Variants in NPEPL1 observed in about 807,000 individuals in gnomAD.
NPEPL1 encodes probable aminopeptidase NPEPL1.
Under a neutral mutation model 52.4 loss-of-function variants are expected in NPEPL1, and 45 were observed. That is an observed-to-expected ratio of 0.86 (90% CI 0.68 to 1.10). The LOEUF (loss-of-function observed/expected upper bound fraction) is 1.10, where lower values mean the gene tolerates loss of function less well. NPEPL1 is among the 50% of genes least tolerant of loss of function. The pLI is 0.00. For synonymous variants in NPEPL1, 360 were observed against 314.7 expected, an observed-to-expected ratio of 1.14 and a Z score of -1.52; for missense variants, 696 against 710.9, an observed-to-expected ratio of 0.98 and a Z score of 0.24.
rs1164201254 is a variant in NPEPL1, at chr20:58,692,853, G to GCGGGC, written c.-32_-28dup. On this transcript the variant is annotated 5_prime_UTR_variant, in exon 1 of 12. Coordinates refer to ENST00000356091, the MANE Select transcript of NPEPL1 (RefSeq NM_024663.4). The surrounding 1 kb of genome is among the most constrained non-coding windows in gnomAD (Gnocchi z 5.7). ...GGAGCGGGGCGAAGGGGGCCGAGCG[G>GCGGGC]CGGGCCGGGCCGGGCCGGGCAGGGC... 412 of 987,804 alleles carry GCGGGC rather than the reference G, an allele frequency of 4.2e-4. No homozygotes were observed. The highest frequency in any genetic ancestry group is 1.7e-3 in the African/African-American group (99 of 56,724). The allele number at this position is 987,804 out of a possible 1,614,324, so 61.2% of individuals were successfully genotyped here.
At position 58,713,858 on chromosome 20, in the gene NPEPL1, C is replaced by T. The variant is rs2084904023; in HGVS notation, c.1126-59C>T. ...GTCTGCCTCCCGGTCCCTCTTTTGCCTTGGGTGTTTCTCTCCTGCCGTCCC... is the reference window on the plus strand; with the variant it reads ...GTCTGCCTCCCGGTCCCTCTTTTGCTTTGGGTGTTTCTCTCCTGCCGTCCC... On this transcript the variant is annotated intron_variant, in intron 9 of 11. Coordinates refer to ENST00000356091, the MANE Select transcript of NPEPL1 (RefSeq NM_024663.4). This position sits in a 1 kb window ranked among gnomAD's most constrained non-coding sequence, Gnocchi z 4.6. 1.4e-6 allele frequency: 2 copies of T among 1,404,704 alleles called. No individual in the cohort carries two copies. The highest frequency in any genetic ancestry group is 1.7e-5 in the South Asian group (1 of 60,150). 87.0% of individuals were successfully genotyped at this position (1,404,704 alleles called of 1,614,324 possible). A position where few individuals can be genotyped will look rare whatever the true frequency, so the allele number is the denominator to read the frequency against.
intron 1 of NPEPL1, 50 bp from the exon 2 acceptor site, chr20:58,693,687 C>A: frequency 6.6e-7 from 1 of 1,525,456 alleles, no homozygotes; most frequent in Non-Finnish European, 8.9e-7. Flanking sequence ...CCTCCTGGCA[C>A]GTGGCCGCTG....
chr20:58,701,475 C>T lies in NPEPL1; in HGVS notation c.822+317C>T, dbSNP rs921016506. Among the ~76,000 whole-genome samples the T allele has an allele frequency of 6.7e-5, 9 of 135,046 alleles. No homozygotes were observed. The East Asian group carries it at 1.1e-3, about 16-fold the overall frequency. The allele number at this position is 135,046 out of a possible 152,430, so 88.6% of individuals were successfully genotyped here. ...TGGGGGTTCTGGGTTGGGGTGGGTTCGGGGAGAGTGCGCAGGGCGGGTTCC... is the reference window on the plus strand; with the variant it reads ...TGGGGGTTCTGGGTTGGGGTGGGTTTGGGGAGAGTGCGCAGGGCGGGTTCC... On this transcript the variant is annotated intron_variant, in intron 6 of 11. Coordinates refer to ENST00000356091, the MANE Select transcript of NPEPL1 (RefSeq NM_024663.4).
rs141349429 is a variant in NPEPL1 at position 58,715,352 on chromosome 20, G to T, written c.*26G>T. 1.9e-6 allele frequency: 3 copies of T among 1,579,552 alleles called. No individual in the cohort carries two copies. The highest frequency in any genetic ancestry group is 1.1e-5 in the South Asian group (1 of 86,974). On this transcript the variant is annotated 3_prime_UTR_variant, in exon 12 of 12. Coordinates refer to ENST00000356091, the MANE Select transcript of NPEPL1 (RefSeq NM_024663.4). ...GCCTCCTGCCTCGGCCCTGACAAAC[G>T]GGGATCTTTTACCTCACTTTGCACT...
intron 6 of NPEPL1, among the ~76,000 whole-genome samples, chr20:58,706,738 T>C (rs1427972676): frequency 6.6e-6 from 1 of 152,090 alleles, no homozygotes; most frequent in East Asian, 1.9e-4. Flanking sequence ...AGCCCGGGAC[T>C]GAGGTCAGGG....
intron 5 of NPEPL1, among the ~76,000 whole-genome samples, chr20:58,699,805 C>T (rs1011897223): frequency 6.6e-6 from 1 of 152,246 alleles, no homozygotes; most frequent in African/African-American, 2.4e-5. Context: ...GACTCAGCTG[C>T]CCCGTGGTGC....
chr20:58,691,105 C>A (rs1568843473), upstream of NPEPL1: 1 of 703,116 alleles, frequency 1.4e-6, no homozygotes, highest in Non-Finnish European at 2.6e-6. Context: ...TCTGTCAGGG[C>A]ATGGCCTTAG....
At chr20:58,691,709 T>TTTTTTTTTTTTTA, upstream of NPEPL1, 1 of 710,820 alleles carries the variant, frequency 1.4e-6, no homozygotes. Flanking sequence ...TTTTTTTTTT[T>TTTTTTTTTTTTTA]TTTTTCATTT....
intron 8 of NPEPL1, chr20:58,712,980 G>C: frequency 2.4e-5 from 9 of 372,740 alleles, no homozygotes; most frequent in South Asian, 2.0e-4. Flanking sequence ...TGGCAGCTGA[G>C]GAGCAAGTGG....
At chr20:58,706,211 G>A (rs1372022460) in intron 6 of NPEPL1, among the ~76,000 whole-genome samples, 4 of 152,152 alleles carry the variant, frequency 2.6e-5, no homozygotes, top group Admixed American at 2.6e-4. Context: ...TAACCAGGAG[G>A]TGTGAACTAT....
intron 6 of NPEPL1, among the ~76,000 whole-genome samples, chr20:58,701,388 G>A (rs1485032507): frequency 7.3e-4 from 92 of 126,608 alleles, no homozygotes; most frequent in Non-Finnish European, 1.4e-3. Flanking sequence ...GGGGGGAGGG[G>A]CCCAGTTTGG....
At chr20:58,696,220 T>A (rs1219655314) in intron 3 of NPEPL1, among the ~76,000 whole-genome samples, 1 of 152,228 alleles carries the variant, frequency 6.6e-6, no homozygotes, top group Non-Finnish European at 1.5e-5. Flanking sequence ...TCCCTTAGAC[T>A]GGCCACGCCC....
Position 58,715,610 on chromosome 20 carries a change from C to A in NPEPL1, c.*284C>A. 3.5e-6 allele frequency: 1 copy of A among 281,978 alleles called. No homozygotes were observed. The highest frequency in any genetic ancestry group is 6.6e-6 in the Non-Finnish European group (1 of 150,950). 17.5% of individuals were successfully genotyped at this position (281,978 alleles called of 1,614,324 possible). On this transcript the variant is annotated 3_prime_UTR_variant, in exon 12 of 12. Transcript: ENST00000356091. ...GGGCCTTCTGCACCCCGGGGTGAGG[C>A]CTCCTGCCTGCCTGGTGCCCTGTCC...
At chr20:58,714,448 T>C (rs994416678) in intron 10 of NPEPL1, 112 bp from the exon 11 acceptor site, 93 of 781,026 alleles carry the variant, frequency 1.2e-4, no homozygotes, top group Admixed American at 7.8e-4. Context: ...ACACGCTCCC[T>C]CCCAGCCACC....
At chr20:58,708,834 G>A (rs1208454910) in intron 7 of NPEPL1, among the ~76,000 whole-genome samples, 2 of 152,100 alleles carry the variant, frequency 1.3e-5, no homozygotes, top group Non-Finnish European at 2.9e-5. Flanking sequence ...CTCTCTGAAG[G>A]GAGCAGTTGC....
rs748817703 is a variant in NPEPL1, at chr20:58,699,246, G to T, written c.647G>T (p.Arg216Leu). ...KELGIIPTIIRDEELKTRGFG... is the reference protein window; with the variant it reads ...KELGIIPTIILDEELKTRGFG... ...CTGGGGATCATCCCAACCATCATCC[G>T]GGATGAGGAACTGAAGACGAGAGGA... The change falls in exon 5 of 12, where the codon CGG (arginine) becomes CTG (leucine). Residue 216 changes from arginine (R) to leucine (L), a missense_variant. Arg to Leu is a moderately radical substitution (Grantham distance 102, BLOSUM62 -2). Coordinates refer to ENST00000356091, the MANE Select transcript of NPEPL1 (RefSeq NM_024663.4). 6.2e-7 allele frequency: 1 copy of T among 1,607,548 alleles called. No individual in the cohort carries two copies. Among genetic ancestry groups the T allele is most frequent in the South Asian group, 1.1e-5 (1 of 89,506 alleles).
intron 2 of NPEPL1, 25 bp downstream of exon 2, chr20:58,693,947 C>T (rs1216608124): frequency 2.0e-6 from 3 of 1,534,206 alleles, no homozygotes; most frequent in Non-Finnish European, 2.6e-6. Context: ...AGGAGGCAGC[C>T]ACGGTGCTCC....
In NPEPL1 at chr20:58,713,846, T is replaced by A; in HGVS notation, c.1126-71T>A. ...CCTTATTTCTCTGTCTGCCTCCCGGTCCCTCTTTTGCCTTGGGTGTTTCTC... is the reference window on the plus strand; with the variant it reads ...CCTTATTTCTCTGTCTGCCTCCCGGACCCTCTTTTGCCTTGGGTGTTTCTC... On this transcript the variant is annotated intron_variant, in intron 9 of 11. Coordinates refer to ENST00000356091, the MANE Select transcript of NPEPL1 (RefSeq NM_024663.4). This position sits in a 1 kb window ranked among gnomAD's most constrained non-coding sequence, Gnocchi z 4.6. The A allele has an allele frequency of 1.4e-6, 2 of 1,382,708 alleles. No individual in the cohort carries two copies. Among genetic ancestry groups the A allele is most frequent in the Non-Finnish European group, 1.9e-6 (2 of 1,062,506 alleles). 85.7% of individuals were successfully genotyped at this position (1,382,708 alleles called of 1,614,324 possible).
rs2084383122 is a variant in NPEPL1, at chr20:58,692,873, C to G, written c.-28C>G. The G allele has an allele frequency of 9.8e-7, 1 of 1,015,502 alleles. No homozygotes were observed. The highest frequency in any genetic ancestry group is 1.2e-6 in the Non-Finnish European group (1 of 849,544). The allele number at this position is 1,015,502 out of a possible 1,614,324, so 62.9% of individuals were successfully genotyped here. On this transcript the variant is annotated 5_prime_UTR_variant, in exon 1 of 12. Coordinates refer to ENST00000356091, the MANE Select transcript of NPEPL1 (RefSeq NM_024663.4). This position sits in a 1 kb window ranked among gnomAD's most constrained non-coding sequence, Gnocchi z 5.7. ...GAGCGGCGGGCCGGGCCGGGCCGGG[C>G]AGGGCCGGGGCGTGGGCCGGCAGGA...
Sources: gnomAD v4.1 joint callset for allele counts (sites outside exome capture counted in the v4.1 genomes callset) on GRCh38, gnomAD v4.1.1 for gene constraint, Gnocchi (gnomAD v3.1) non-coding constraint, MANE v1.5 for transcripts, NCBI Gene and HGNC (gene_info 2026-07-23, HGNC 2026-07-21) for gene names.